The following CCDC7 variants were observed in gnomAD, a reference collection of about 807,000 sequenced individuals.
CCDC7 encodes coiled-coil domain containing 7.
In CCDC7, 183 loss-of-function variants were observed where a neutral mutation model predicts 196.9. The observed-to-expected ratio is 0.93, with a 90% CI of 0.82 to 1.05. The LOEUF (loss-of-function observed/expected upper bound fraction) is 1.05, where lower values mean the gene tolerates loss of function less well. Ranked by LOEUF, CCDC7 falls within the 50% of genes least tolerant of loss-of-function variation. The probability of loss-of-function intolerance (pLI) is 0.00; values close to 1 mark genes in which losing one functional copy is unlikely to be tolerated. For missense variants in CCDC7, 1,540 were observed against 1,482.2 expected, an observed-to-expected ratio of 1.04 and a Z score of -0.64; for synonymous variants, 525 against 484.6, an observed-to-expected ratio of 1.08 and a Z score of -1.10.
At position 32,462,287 on chromosome 10, in the gene CCDC7, T is replaced by C. The variant is rs2035903256; in HGVS notation, c.457-396T>C. Among the ~76,000 whole-genome samples the C allele has an allele frequency of 3.3e-5, 5 of 152,012 alleles. No individual in the cohort carries two copies. In the South Asian group the frequency reaches 1.0e-3, roughly 32 times the overall value. ...AACAAAATTAAAAATTAGCCAGGCA[T>C]GGGGGTGTGCCCATGTAGTCCTAGC... On this transcript the variant is annotated intron_variant, in intron 3 of 41. Transcript: ENST00000639629.
intron 39 of CCDC7, among the ~76,000 whole-genome samples, chr10:32,850,912 A>G (rs2093539949): frequency 6.6e-6 from 1 of 152,114 alleles, no homozygotes; most frequent in African/African-American, 2.4e-5. Context: ...CAAATATGGC[A>G]GTCAATAATC....
chr10:32,517,309 G>C (rs56153144), intron 9 of CCDC7, among the ~76,000 whole-genome samples: 13,525 of 151,984 alleles, frequency 0.089, 860 homozygotes, highest in East Asian at 0.33. Context: ...GAAAAAGTAA[G>C]TTTGGAACAA....
At chr10:32,861,269 A>C (rs1348960993) in intron 41 of CCDC7, among the ~76,000 whole-genome samples, 1 of 152,178 alleles carries the variant, frequency 6.6e-6, no homozygotes, top group Non-Finnish European at 1.5e-5. Flanking sequence ...ATAATGCCAC[A>C]CATGTAGAAC....
At chr10:32,783,405 A>G (rs1468711366) in intron 29 of CCDC7, among the ~76,000 whole-genome samples, 1 of 152,258 alleles carries the variant, frequency 6.6e-6, no homozygotes, top group Admixed American at 6.5e-5. Context: ...CCTAAAAAAG[A>G]TACTTAGCAT....
In CCDC7 at chr10:32,472,559, T is replaced by C. The variant is rs374994308; in HGVS notation, c.739+17T>C. On this transcript the variant is annotated intron_variant, in intron 7 of 41. Transcript: ENST00000639629. ...AAATTGAAGGTGATAATATTTTATA[T>C]ATGTTTATCCTTAAAAATTTTATTA... The C allele has an allele frequency of 7.0e-5, 108 of 1,532,772 alleles. No homozygotes were observed. In the African/African-American group the frequency reaches 1.1e-3, roughly 16 times the overall value. 94.9% of individuals were successfully genotyped at this position (1,532,772 alleles called of 1,614,324 possible). A position where few individuals can be genotyped will look rare whatever the true frequency, so the allele number is the denominator to read the frequency against.
At chr10:32,647,102 A>G (rs957157313) in intron 20 of CCDC7, among the ~76,000 whole-genome samples, 2 of 152,174 alleles carry the variant, frequency 1.3e-5, no homozygotes, top group Non-Finnish European at 2.9e-5. Context: ...ATACCCAGTA[A>G]TGGGACTGCT....
intron 41 of CCDC7, among the ~76,000 whole-genome samples, chr10:32,862,583 A>T (rs1335522181): frequency 6.6e-6 from 1 of 151,928 alleles, no homozygotes; most frequent in African/African-American, 2.4e-5. Flanking sequence ...CACAGCTAAC[A>T]TCATAATCAA....
intron 20 of CCDC7, among the ~76,000 whole-genome samples, chr10:32,645,590 G>A (rs2067629720): frequency 6.7e-6 from 1 of 149,488 alleles, no homozygotes; most frequent in South Asian, 2.1e-4. Flanking sequence ...CAAGTTTTTG[G>A]GATAGTTTGA....
At chr10:32,506,440 C>G (rs11817314) in intron 9 of CCDC7, among the ~76,000 whole-genome samples, 2 of 152,208 alleles carry the variant, frequency 1.3e-5, no homozygotes, top group African/African-American at 2.4e-5. Context: ...CTGCTCACTT[C>G]CTAGACGGGG....
At chr10:32,763,992 TGATA>T (rs1304154293) in intron 28 of CCDC7, among the ~76,000 whole-genome samples, 1 of 151,856 alleles carries the variant, frequency 6.6e-6, no homozygotes, top group Non-Finnish European at 1.5e-5. Context: ...ATATGTGAGG[TGATA>T]GATATATTAA....
At chr10:32,730,472 A>C (rs930772585) in intron 28 of CCDC7, among the ~76,000 whole-genome samples, 7 of 151,960 alleles carry the variant, frequency 4.6e-5, no homozygotes, top group African/African-American at 1.7e-4. Context: ...CTTTACCTAA[A>C]GTGTGAATAT....
rs573663600 is a variant in CCDC7 at position 32,797,000 on chromosome 10, C to T, written c.3014-8015C>T. Among the ~76,000 whole-genome samples the T allele has an allele frequency of 3.0e-4, 46 of 151,972 alleles. No homozygotes were observed. In the South Asian group the frequency reaches 6.0e-3, roughly 20 times the overall value. On this transcript the variant is annotated intron_variant, in intron 29 of 41. Transcript: ENST00000639629. Reference sequence around the variant, plus strand: ...AATTTAAAAGACAATCTACTTAAGACGGGGGAAGAAACAAGGTGACCTCAG... The same window carrying T: ...AATTTAAAAGACAATCTACTTAAGATGGGGGAAGAAACAAGGTGACCTCAG...
chr10:32,486,882 C>A (rs944130704), intron 8 of CCDC7, among the ~76,000 whole-genome samples: 5 of 151,770 alleles, frequency 3.3e-5, no homozygotes, highest in African/African-American at 9.7e-5. Context: ...GATGGGCTTC[C>A]CTTTGTTGGT....
intron 24 of CCDC7, among the ~76,000 whole-genome samples, chr10:32,703,001 T>G (rs1471815033): frequency 6.6e-6 from 1 of 152,196 alleles, no homozygotes; most frequent in African/African-American, 2.4e-5. Context: ...AATTGGAGCT[T>G]TTAGCCTATT....
intron 29 of CCDC7, among the ~76,000 whole-genome samples, chr10:32,788,467 G>A (rs2082197126): frequency 6.6e-6 from 1 of 152,186 alleles, no homozygotes; most frequent in Non-Finnish European, 1.5e-5. Context: ...CCAGTCTGCA[G>A]ATACTGGTAC....
chr10:32,849,442 C>A (rs893862697), intron 39 of CCDC7, among the ~76,000 whole-genome samples: 4 of 152,070 alleles, frequency 2.6e-5, no homozygotes, highest in Non-Finnish European at 5.9e-5. Flanking sequence ...CGGTGGCTCA[C>A]ACATGTAATC....
intron 20 of CCDC7, among the ~76,000 whole-genome samples, chr10:32,660,341 G>C (rs1281781595): frequency 2.2e-5 from 3 of 136,272 alleles, no homozygotes; most frequent in Admixed American, 7.8e-5. Context: ...TGTTCTCATT[G>C]TTCAATTCCC....
At chr10:32,854,468 G>A (rs1418538) in exon 41 of CCDC7, 1,589,609 of 1,594,496 alleles carry the variant, frequency 1, 792,499 homozygotes, top group East Asian at 1. Flanking sequence ...GACCAATACA[G>A]TTGGAAAACC....
intron 5 of CCDC7, among the ~76,000 whole-genome samples, chr10:32,470,603 G>C (rs551404237): frequency 6.6e-6 from 1 of 152,146 alleles, no homozygotes; most frequent in South Asian, 2.1e-4. Flanking sequence ...CATGCAGACT[G>C]GAAAAATGCT....
Sources: allele counts gnomAD v4.1 joint callset (sites outside exome capture counted in the v4.1 genomes callset), GRCh38; gene constraint gnomAD v4.1.1; transcripts MANE v1.5; gene names NCBI Gene and HGNC (gene_info 2026-07-23, HGNC 2026-07-21).